CCDC15: variants seen among roughly 807,000 people sequenced by gnomAD.
CCDC15 encodes the protein coiled-coil domain containing 15, also known as coiled-coil domain-containing protein 15.
CCDC15 carries 105 observed loss-of-function variants against 114.5 expected under a neutral mutation model. The observed-to-expected ratio is 0.92, with a 90% CI of 0.78 to 1.08. CCDC15 has a LOEUF of 1.08. CCDC15 is among the 50% of genes least tolerant of loss of function. The pLI, the probability that CCDC15 is intolerant of heterozygous loss-of-function variation, is 0.00. For missense variants in CCDC15, 1,105 were observed against 1,093.6 expected (o/e 1.01, Z -0.15); for synonymous variants, 334 against 377.8 (o/e 0.88, Z 1.34).
In CCDC15 at chr11:124,972,077, G is replaced by A. The variant is rs766848559; in HGVS notation, c.517-3019G>A. Among the ~76,000 whole-genome samples the A allele has an allele frequency of 3.6e-4, 55 of 151,942 alleles. 1 individual carries two copies. Among genetic ancestry groups the A allele is most frequent in the Admixed American group, 2.1e-3 (32 of 15,252 alleles). On this transcript the variant is annotated intron_variant, in intron 4 of 15. Coordinates refer to ENST00000344762, the MANE Select transcript of CCDC15 (RefSeq NM_025004.3). ...ATGAGTAAACTATGATTATGTTTCC[G>A]TCTATGTATGGCTTTTTGTTTTATC...
chr11:124,988,239 C>T, intron 8 of CCDC15, 105 bp downstream of exon 8: 3 of 1,195,354 alleles, frequency 2.5e-6, no homozygotes, highest in Non-Finnish European at 3.5e-6. Flanking sequence ...ACTGTGGGTT[C>T]AGTTCCAGGC....
At chr11:124,970,351 CAAAA>C (rs962519281) in intron 4 of CCDC15, among the ~76,000 whole-genome samples, 75 of 152,214 alleles carry the variant, frequency 4.9e-4, no homozygotes, top group African/African-American at 1.7e-3. Flanking sequence ...GCAATTGTGA[CAAAA>C]GAAAGATAAT....
chr11:125,032,708 G>C (rs1447237731), intron 13 of CCDC15, among the ~76,000 whole-genome samples: 1 of 152,198 alleles, frequency 6.6e-6, no homozygotes. Flanking sequence ...ATCAGCCAAT[G>C]TGGGGGTTCT....
Position 124,986,802 on chromosome 11 carries a change from G to C in CCDC15, c.814G>C (p.Gly272Arg), listed in dbSNP as rs1393254431. 1 of 1,553,204 alleles carries C rather than the reference G, an allele frequency of 6.4e-7. No homozygotes were observed. Among genetic ancestry groups the C allele is most frequent in the African/African-American group, 1.4e-5 (1 of 73,212 alleles). Residue 272 changes from glycine (G) to arginine (R), a missense_variant, in exon 7 of 16, where the codon GGG becomes CGG. Coordinates refer to ENST00000344762, the MANE Select transcript of CCDC15 (RefSeq NM_025004.3). ...TTCATCTCTTGTAACTGATGAGAAA[G>C]GGAAAGAAGATTTGTTTGGGAGAGG... is the stretch of plus-strand genomic sequence containing the variant. ...ESSSLVTDEK[G>R]KEDLFGRGQQ... is the part of the protein sequence containing the mutation.
chr11:124,986,786 TGTA>T lies in CCDC15; in HGVS notation c.799_801del (p.Val267del). The T allele has an allele frequency of 6.4e-7, 1 of 1,552,070 alleles. No homozygotes were observed. The highest frequency in any genetic ancestry group is 1.2e-5 in the South Asian group (1 of 83,988). On this transcript the variant is annotated inframe_deletion, in exon 7 of 16. Coordinates refer to ENST00000344762, the MANE Select transcript of CCDC15 (RefSeq NM_025004.3). ...CTGACTATGAGGAATCTTCATCTCT[TGTA>T]ACTGATGAGAAAGGGAAAGAAGATT...
At chr11:124,994,503 G>A (rs190516784) in intron 11 of CCDC15, among the ~76,000 whole-genome samples, 196 of 152,256 alleles carry the variant, frequency 1.3e-3, no homozygotes, top group African/African-American at 4.4e-3. Context: ...TATTTTAGAT[G>A]TATTTTTATA....
chr11:124,990,666 G>T (rs1948252146), intron 8 of CCDC15, among the ~76,000 whole-genome samples: 1 of 152,158 alleles, frequency 6.6e-6, no homozygotes, highest in African/African-American at 2.4e-5. Flanking sequence ...TAAACAATTT[G>T]CTGTTTCTTT....
intron 4 of CCDC15, among the ~76,000 whole-genome samples, chr11:124,968,083 G>A (rs539712550): frequency 1.3e-5 from 2 of 152,314 alleles, no homozygotes; most frequent in East Asian, 3.9e-4. Context: ...ACTGGGAGGT[G>A]TCTCCCAGTT....
At chr11:125,035,145 G>A (rs1296377675) in intron 13 of CCDC15, among the ~76,000 whole-genome samples, 3 of 152,090 alleles carry the variant, frequency 2.0e-5, no homozygotes, top group Non-Finnish European at 4.4e-5. Flanking sequence ...CTTCTGCCTG[G>A]TTTTTATTCT....
rs1403751010 is a variant in CCDC15 at position 124,987,170 on chromosome 11, A to G, written c.944A>G (p.Glu315Gly). The G allele has an allele frequency of 1.3e-6, 2 of 1,519,094 alleles. No individual in the cohort carries two copies. The highest frequency in any genetic ancestry group is 2.8e-5 in the African/African-American group (2 of 71,650). 94.1% of individuals were successfully genotyped at this position (1,519,094 alleles called of 1,614,324 possible). Residue 315 changes from glutamate (E) to glycine (G), a missense_variant, in exon 8 of 16, where the codon GAA becomes GGA. Coordinates refer to ENST00000344762, the MANE Select transcript of CCDC15 (RefSeq NM_025004.3). ...CCATTATTTGTTCTGATGGAAGAGGAAGAACAAAAGCAGTTACATTTTGAG... is the reference window on the plus strand; with the variant it reads ...CCATTATTTGTTCTGATGGAAGAGGGAGAACAAAAGCAGTTACATTTTGAG... ...KNPLFVLMEE[E>G]EQKQLHFEGL...
intron 13 of CCDC15, among the ~76,000 whole-genome samples, chr11:125,034,856 C>G (rs1208735612): frequency 6.6e-6 from 1 of 151,990 alleles, no homozygotes; most frequent in Non-Finnish European, 1.5e-5. Context: ...TTGTTGGTAC[C>G]AAAATCTGTA....
At chr11:125,026,490 G>A (rs919910536) in intron 13 of CCDC15, among the ~76,000 whole-genome samples, 2 of 152,126 alleles carry the variant, frequency 1.3e-5, no homozygotes, top group South Asian at 4.1e-4. Flanking sequence ...GCCTCTTTTG[G>A]CAATATGAAG....
In CCDC15 at chr11:124,999,688, C is replaced by G. The variant is rs535898652; in HGVS notation, c.2215-4179C>G. 3.3e-5 allele frequency among the ~76,000 whole-genome samples: 5 copies of G among 151,902 alleles called. No homozygotes were observed. The South Asian group carries it at 1.0e-3, about 32-fold the overall frequency. ...TTTCATTCACTTCAATTGGGTTTGC[C>G]TTTACCTCATAGATAAAGTATTAAT... is the stretch of plus-strand genomic sequence containing the variant. On this transcript the variant is annotated intron_variant, in intron 11 of 15. Transcript: ENST00000344762.
chr11:124,986,720 T>A, intron 6 of CCDC15, 22 bp from the exon 7 acceptor site: 6 of 1,457,132 alleles, frequency 4.1e-6, no homozygotes, highest in Admixed American at 2.3e-5. Context: ...CGCGTGCGCG[T>A]TTTCATTGTT....
intron 13 of CCDC15, among the ~76,000 whole-genome samples, chr11:125,031,990 C>T (rs537715436): frequency 9.2e-5 from 14 of 152,154 alleles, no homozygotes; most frequent in Non-Finnish European, 2.1e-4. Context: ...AGGAATATCT[C>T]GACAGGTCCC....
intron 4 of CCDC15, among the ~76,000 whole-genome samples, chr11:124,973,353 A>ATT (rs551840016): frequency 3.3e-4 from 47 of 144,534 alleles, no homozygotes; most frequent in Middle Eastern, 3.6e-3. Context: ...TCATGGGGCT[A>ATT]TTTTTTTTTT....
intron 11 of CCDC15, among the ~76,000 whole-genome samples, chr11:124,996,699 T>C (rs1266175222): frequency 6.6e-6 from 1 of 152,152 alleles, no homozygotes; most frequent in Non-Finnish European, 1.5e-5. Flanking sequence ...TAAACAGTAA[T>C]TTCTCAGTCT....
At position 124,994,197 on chromosome 11, in the gene CCDC15, G is replaced by A. The variant is rs118173431; in HGVS notation, c.2214+954G>A. On this transcript the variant is annotated intron_variant, in intron 11 of 15. Coordinates refer to ENST00000344762, the MANE Select transcript of CCDC15 (RefSeq NM_025004.3). Reference sequence around the variant, plus strand: ...CTATCTGTTTGGTCAGCTGAAAGACGGCCACAGGATTTGCTTCTGGGTGGC... The same window carrying A: ...CTATCTGTTTGGTCAGCTGAAAGACAGCCACAGGATTTGCTTCTGGGTGGC... Among the ~76,000 whole-genome samples the A allele has an allele frequency of 4.7e-4, 71 of 152,170 alleles. No homozygotes were observed. In the East Asian group the frequency reaches 6.8e-3, roughly 14 times the overall value.
At chr11:124,980,758 T>C (rs138850593) in intron 6 of CCDC15, among the ~76,000 whole-genome samples, 54 of 152,334 alleles carry the variant, frequency 3.5e-4, no homozygotes, top group African/African-American at 1.3e-3. Context: ...TTTCTCAGTT[T>C]TTATCAGTTC....
Sources: allele counts gnomAD v4.1 joint callset (sites outside exome capture counted in the v4.1 genomes callset), GRCh38; gene constraint gnomAD v4.1.1; transcripts MANE v1.5; gene names NCBI Gene and HGNC (gene_info 2026-07-23, HGNC 2026-07-21).